TFDP2: variants seen among roughly 807,000 people sequenced by gnomAD.
The protein encoded by TFDP2 is transcription factor Dp-2.
Under a neutral mutation model 59.3 loss-of-function variants are expected in TFDP2, and 17 were observed. The observed-to-expected ratio is 0.29, with a 90% CI of 0.20 to 0.43. The LOEUF (loss-of-function observed/expected upper bound fraction) is 0.43. Ranked by LOEUF, TFDP2 falls within the 20% of genes least tolerant of loss-of-function variation. TFDP2 has a pLI of 1.00. For missense variants in TFDP2, 391 were observed against 528.8 expected (o/e 0.74, Z 2.56); for synonymous variants, 180 against 194.7 (o/e 0.92, Z 0.63).
At chr3:142,039,645 C>G (rs1322968881) in intron 3 of TFDP2, among the ~76,000 whole-genome samples, 1 of 152,166 alleles carries the variant, frequency 6.6e-6, no homozygotes, top group South Asian at 2.1e-4. Context: ...TTAAGTACCA[C>G]CCCTGGGGTT....
intron 3 of TFDP2, among the ~76,000 whole-genome samples, chr3:142,077,468 A>G (rs2060499136): frequency 6.6e-6 from 1 of 152,006 alleles, no homozygotes. Context: ...AGGACTTTGT[A>G]TTGCAATTAG....
intron 1 of TFDP2, among the ~76,000 whole-genome samples, chr3:142,109,242 C>T (rs113768205): frequency 7.9e-5 from 12 of 152,032 alleles, no homozygotes; most frequent in Non-Finnish European, 1.2e-4. Context: ...TAAAAATGTA[C>T]GAGAATCCCA....
chr3:141,999,540 T>C (rs950726489), intron 4 of TFDP2, among the ~76,000 whole-genome samples: 2 of 152,126 alleles, frequency 1.3e-5, no homozygotes, highest in Non-Finnish European at 2.9e-5. Context: ...AGACAGCCTG[T>C]AAGAAAAGGG....
At chr3:142,148,295 G>C (rs1469842686) in intron 1 of TFDP2, among the ~76,000 whole-genome samples, 1 of 152,138 alleles carries the variant, frequency 6.6e-6, no homozygotes, top group Non-Finnish European at 1.5e-5. Flanking sequence ...AGTATTCATG[G>C]GCTCAAAGGC....
intron 3 of TFDP2, among the ~76,000 whole-genome samples, chr3:142,047,540 C>T (rs1947401849): frequency 6.6e-6 from 1 of 152,082 alleles, no homozygotes; most frequent in Admixed American, 6.6e-5. Context: ...CTGCTGCTAA[C>T]AGGAGTGTAT....
At chr3:142,129,299 G>A (rs2062401589) in intron 1 of TFDP2, among the ~76,000 whole-genome samples, 1 of 151,784 alleles carries the variant, frequency 6.6e-6, no homozygotes, top group South Asian at 2.1e-4. Flanking sequence ...GGAAGTAACA[G>A]CTAAAAATCC....
rs184995793 is a variant in TFDP2, at chr3:142,083,812, T to G, written c.82+9249A>C. 9.1e-4 allele frequency among the ~76,000 whole-genome samples: 138 copies of G among 152,282 alleles called. 1 individual carries two copies. Among genetic ancestry groups the G allele is most frequent in the African/African-American group, 3.1e-3 (129 of 41,560 alleles). ...AACTGGATATCCGTATGCAAAAGAA[T>G]GAAACTAGACCCCTATCTCTCACCA... On this transcript the variant is annotated intron_variant, in intron 3 of 12. Coordinates refer to ENST00000489671, the MANE Select transcript of TFDP2 (RefSeq NM_001178139.2).
At chr3:141,988,793 C>T (rs1484637393) in intron 6 of TFDP2, among the ~76,000 whole-genome samples, 1 of 151,428 alleles carries the variant, frequency 6.6e-6, no homozygotes, top group Non-Finnish European at 1.5e-5. Flanking sequence ...CTCAGCCTCC[C>T]GAGTAGTTAC....
Position 142,101,846 on chromosome 3 carries a change from TA to T in TFDP2, c.-92-6del. The T allele has an allele frequency of 3.0e-6, 2 of 673,842 alleles. No homozygotes were observed. The highest frequency in any genetic ancestry group is 4.6e-6 in the Non-Finnish European group (2 of 436,270). 41.7% of individuals were successfully genotyped at this position (673,842 alleles called of 1,614,324 possible). ...ATAATTCTTTAAAAGAACAACCTGT[TA>T]AAGGAAAACAGAGGGAATAGTAATG... On this transcript the variant is annotated splice_region_variant and splice_polypyrimidine_tract_variant and intron_variant, in intron 1 of 12. Transcript: ENST00000489671.
intron 9 of TFDP2, among the ~76,000 whole-genome samples, chr3:141,967,504 G>C (rs1938306715): frequency 6.6e-6 from 1 of 152,020 alleles, no homozygotes; most frequent in South Asian, 2.1e-4. Context: ...ATGTTGGTCA[G>C]GCTGGTCTCG....
intron 3 of TFDP2, chr3:142,028,486 A>C: frequency 4.7e-6 from 4 of 857,090 alleles, no homozygotes; most frequent in Non-Finnish European, 5.5e-6. Context: ...GCTCCTGGCT[A>C]TTTATCAATT....
chr3:142,000,448 C>T (rs1024167495), intron 4 of TFDP2: 9 of 527,924 alleles, frequency 1.7e-5, no homozygotes, highest in Non-Finnish European at 3.1e-5. Context: ...GACTTCATCA[C>T]TTCCCAAAAG....
At chr3:142,140,800 C>T (rs1237341390) in intron 1 of TFDP2, among the ~76,000 whole-genome samples, 4 of 152,172 alleles carry the variant, frequency 2.6e-5, no homozygotes, top group Non-Finnish European at 4.4e-5. Flanking sequence ...GTCTGTCGCC[C>T]CCTACTGGGA....
rs1057110150 is a variant in TFDP2 at position 142,093,157 on chromosome 3, T to C, written c.16-30A>G. 10 of 1,481,576 alleles carry C rather than the reference T, an allele frequency of 6.7e-6. No individual in the cohort carries two copies. The African/African-American group carries it at 1.3e-4, about 19-fold the overall frequency. The allele number at this position is 1,481,576 out of a possible 1,614,324, so 91.8% of individuals were successfully genotyped here. On this transcript the variant is annotated intron_variant, in intron 2 of 12. Coordinates refer to ENST00000489671, the MANE Select transcript of TFDP2 (RefSeq NM_001178139.2). ...ATAAAACCGTTTAAAAAGTTAAAAA[T>C]AGAATATTAAGTAGTATGTGTTCAC... is the stretch of plus-strand genomic sequence containing the variant.
chr3:142,094,696 TA>T (rs1438067984), intron 2 of TFDP2, among the ~76,000 whole-genome samples: 1 of 152,332 alleles, frequency 6.6e-6, no homozygotes, highest in South Asian at 2.1e-4. Context: ...GGCATACACT[TA>T]AGGTGTACAT....
intron 3 of TFDP2, among the ~76,000 whole-genome samples, chr3:142,006,981 G>A (rs56129773): frequency 0.12 from 18,328 of 151,878 alleles, 1,370 homozygotes; most frequent in East Asian, 0.18. Flanking sequence ...TCACCATGTT[G>A]GCCAGGCTGA....
intron 1 of TFDP2, among the ~76,000 whole-genome samples, chr3:142,142,687 T>C (rs1268813058): frequency 6.6e-6 from 1 of 152,162 alleles, no homozygotes; most frequent in African/African-American, 2.4e-5. Context: ...GGAATCACAT[T>C]ACCTGACTTC....
At chr3:142,011,957 C>G (rs1944743281) in intron 3 of TFDP2, among the ~76,000 whole-genome samples, 1 of 151,372 alleles carries the variant, frequency 6.6e-6, no homozygotes, top group Non-Finnish European at 1.5e-5. Context: ...TGTTAGAATA[C>G]AAAATTCTAC....
intron 7 of TFDP2, among the ~76,000 whole-genome samples, chr3:141,977,864 C>G (rs982098796): frequency 1.3e-5 from 2 of 151,708 alleles, no homozygotes; most frequent in African/African-American, 4.8e-5. Flanking sequence ...GCACATGCCA[C>G]CATGCCTGGC....
Sources: allele counts gnomAD v4.1 joint callset (sites outside exome capture counted in the v4.1 genomes callset), GRCh38; gene constraint gnomAD v4.1.1; transcripts MANE v1.5; gene names NCBI Gene and HGNC (gene_info 2026-07-23, HGNC 2026-07-21).